The following BTG4 variants were observed in gnomAD, a reference collection of about 807,000 sequenced individuals.
BTG4 encodes BTG anti-proliferation factor 4, also known as protein BTG4.
Under a neutral mutation model 19.3 loss-of-function variants are expected in BTG4, and 10 were observed. The ratio of observed to expected loss-of-function variants is 0.52; its 90% CI spans 0.32 to 0.88. The LOEUF (loss-of-function observed/expected upper bound fraction) is 0.88, where lower values mean the gene tolerates loss of function less well. BTG4 is among the 40% of genes least tolerant of loss of function. BTG4 has a pLI of 0.04. For missense variants in BTG4, 238 were observed against 281.9 expected (o/e 0.84, Z 1.11); for synonymous variants, 91 against 95.7 (o/e 0.95, Z 0.29).
At chr11:111,502,361 G>A (rs1200559743) in intron 1 of BTG4, among the ~76,000 whole-genome samples, 1 of 152,026 alleles carries the variant, frequency 6.6e-6, no homozygotes, top group African/African-American at 2.4e-5. Context: ...CAGCAAAAGT[G>A]GAAATCATTA....
chr11:111,440,665 T>G, the BTG4 span, among the ~76,000 whole-genome samples: 2 of 152,342 alleles, frequency 1.3e-5, no homozygotes, highest in East Asian at 3.9e-4. Flanking sequence ...TTTTCAGATT[T>G]TTGTTCACAG....
At chr11:111,490,799 A>T (rs530785418), downstream of BTG4, among the ~76,000 whole-genome samples, 12 of 152,378 alleles carry the variant, frequency 7.9e-5, no homozygotes, top group South Asian at 2.3e-3. Flanking sequence ...TGAATCACTC[A>T]TACATTGCTG....
At chr11:111,414,693 G>A in the BTG4 span, 3 of 152,296 alleles carry the variant, frequency 2.0e-5, no homozygotes, top group African/African-American at 7.2e-5. Flanking sequence ...ACATCAGTAT[G>A]TTTAATGAGA....
chr11:111,504,401 G>T (rs1424217080), intron 1 of BTG4, among the ~76,000 whole-genome samples: 1 of 152,006 alleles, frequency 6.6e-6, no homozygotes, highest in African/African-American at 2.4e-5. Context: ...TTTTAGTGCA[G>T]CCTAATCAAA....
chr11:111,458,488 T>C, the BTG4 span, among the ~76,000 whole-genome samples: 1,121 of 152,324 alleles, frequency 7.4e-3, 20 homozygotes, highest in African/African-American at 0.026. Context: ...TGTTACTTCA[T>C]GGCTCATGAA....
At chr11:111,453,392 CA>C in the BTG4 span, 1 of 448,434 alleles carries the variant, frequency 2.2e-6, no homozygotes, top group Non-Finnish European at 4.5e-6. Flanking sequence ...TCCCACTCCC[CA>C]TTATGTACTC....
At chr11:111,437,209 C>T in the BTG4 span, among the ~76,000 whole-genome samples, 1 of 152,034 alleles carries the variant, frequency 6.6e-6, no homozygotes, top group Non-Finnish European at 1.5e-5. Flanking sequence ...TTTTCTTTGG[C>T]TTCCATCCAC....
chr11:111,513,077 T>A (rs1867067210), upstream of BTG4: 1 of 441,594 alleles, frequency 2.3e-6, no homozygotes, highest in Non-Finnish European at 4.9e-6. Flanking sequence ...CCCGCAGCCT[T>A]CGAGAGAAGA....
At chr11:111,503,694 C>T (rs188836471) in intron 1 of BTG4, among the ~76,000 whole-genome samples, 8 of 152,240 alleles carry the variant, frequency 5.3e-5, no homozygotes, top group African/African-American at 1.4e-4. Context: ...GCAACATACA[C>T]ATATTTTATT....
chr11:111,418,267 G>A, the BTG4 span: 1 of 152,320 alleles, frequency 6.6e-6, no homozygotes, highest in Admixed American at 6.5e-5. Context: ...CTTTAAGAGA[G>A]CCATTCGCCC....
At chr11:111,493,448 A>C (rs981955561), downstream of BTG4, among the ~76,000 whole-genome samples, 1 of 152,360 alleles carries the variant, frequency 6.6e-6, no homozygotes, top group Non-Finnish European at 1.5e-5. Context: ...CTTGATGGTT[A>C]AGGATTAAAC....
the BTG4 span, among the ~76,000 whole-genome samples, chr11:111,409,075 G>A: frequency 6.6e-6 from 1 of 152,188 alleles, no homozygotes; most frequent in African/African-American, 2.4e-5. Context: ...AGGAAGAGAT[G>A]GGAATGGGTG....
chr11:111,398,325 C>T, the BTG4 span, among the ~76,000 whole-genome samples: 1 of 152,204 alleles, frequency 6.6e-6, no homozygotes, highest in Admixed American at 6.5e-5. Flanking sequence ...AACTAAAATG[C>T]CCCAGTAAGA....
chr11:111,440,814 G>A, the BTG4 span, among the ~76,000 whole-genome samples: 4 of 152,264 alleles, frequency 2.6e-5, no homozygotes, highest in African/African-American at 9.6e-5. Flanking sequence ...ACCTGCTGTA[G>A]AGAAGGGTTG....
chr11:111,390,376 G>C, the BTG4 span, among the ~76,000 whole-genome samples: 1 of 152,180 alleles, frequency 6.6e-6, no homozygotes, highest in Non-Finnish European at 1.5e-5. Context: ...GTGGAAGTGG[G>C]GAGAGGTAGA....
At chr11:111,478,028 C>A (rs1252452264) in intron 5 of BTG4, among the ~76,000 whole-genome samples, 1 of 152,078 alleles carries the variant, frequency 6.6e-6, no homozygotes, top group East Asian at 1.9e-4. Context: ...CCCTCCTCCA[C>A]CTCATGGTAT....
chr11:111,451,942 G>A, the BTG4 span, among the ~76,000 whole-genome samples: 1 of 152,106 alleles, frequency 6.6e-6, no homozygotes, highest in African/African-American at 2.4e-5. Flanking sequence ...TTGAGAGGAT[G>A]GGAACACAAG....
At chr11:111,425,134 T>A in the BTG4 span, among the ~76,000 whole-genome samples, 140,146 of 152,174 alleles carry the variant, frequency 0.92, 64,879 homozygotes, top group East Asian at 1. Context: ...TGGAACAAAC[T>A]TTTATCATGG....
the BTG4 span, among the ~76,000 whole-genome samples, chr11:111,405,875 T>C: frequency 2.6e-5 from 4 of 152,344 alleles, no homozygotes; most frequent in African/African-American, 4.8e-5. Flanking sequence ...GTTGTGAGGA[T>C]TAAATATGTG....
Sources: allele counts gnomAD v4.1 joint callset (sites outside exome capture counted in the v4.1 genomes callset), GRCh38; gene constraint gnomAD v4.1.1; transcripts MANE v1.5; gene names NCBI Gene and HGNC (gene_info 2026-07-23, HGNC 2026-07-21).